The following AGPS variants were observed in gnomAD, a reference collection of about 807,000 sequenced individuals.
AGPS encodes the protein alkylglycerone phosphate synthase, also known as alkyldihydroxyacetonephosphate synthase, peroxisomal.
In AGPS, 26 loss-of-function variants were observed where a neutral mutation model predicts 90.7. The ratio of observed to expected loss-of-function variants is 0.29; its 90% CI spans 0.21 to 0.40. The LOEUF is 0.40. Ranked by LOEUF, AGPS falls within the 10% of genes least tolerant of loss-of-function variation. AGPS has a pLI of 1.00. For missense variants in AGPS, 540 were observed against 816.1 expected, an observed-to-expected ratio of 0.66 and a Z score of 4.12; for synonymous variants, 294 against 285.3, an observed-to-expected ratio of 1.03 and a Z score of -0.31.
chr2:177,430,770 C>T (rs190149076), intron 2 of AGPS, among the ~76,000 whole-genome samples: 19 of 152,140 alleles, frequency 1.2e-4, no homozygotes, highest in East Asian at 1.2e-3. Context: ...ATGACAGCTG[C>T]GGATCACAGC....
intron 1 of AGPS, among the ~76,000 whole-genome samples, chr2:177,401,956 G>T (rs1381331510): frequency 1.3e-5 from 2 of 152,214 alleles, no homozygotes; most frequent in African/African-American, 4.8e-5. Flanking sequence ...TTCATTTTGT[G>T]CATTAAACAA....
At chr2:177,461,359 AACCT>A (rs1399919463) in intron 8 of AGPS, among the ~76,000 whole-genome samples, 1 of 152,232 alleles carries the variant, frequency 6.6e-6, no homozygotes, top group Non-Finnish European at 1.5e-5. Context: ...ACATGCAGGA[AACCT>A]ATCCAGATGC....
Position 177,478,903 on chromosome 2 carries a change from C to A in AGPS, c.1106-3156C>A, listed in dbSNP as rs145965332. On this transcript the variant is annotated intron_variant, in intron 10 of 19. Transcript: ENST00000264167. ...TAGGCTATATCTCTAGTGAATCTAC[C>A]TGTGTCTTCCCAATTACCTTTTTAC... Among the ~76,000 whole-genome samples the A allele has an allele frequency of 2.6e-3, 388 of 151,778 alleles. 4 individuals carry two copies. The highest frequency in any genetic ancestry group is 9.0e-3 in the African/African-American group (372 of 41,372).
At chr2:177,404,410 G>C (rs1230198240) in intron 1 of AGPS, among the ~76,000 whole-genome samples, 1 of 152,102 alleles carries the variant, frequency 6.6e-6, no homozygotes, top group African/African-American at 2.4e-5. Context: ...GGCAAATCTT[G>C]TTACATGGAG....
At chr2:177,406,279 A>T (rs749948860) in intron 1 of AGPS, among the ~76,000 whole-genome samples, 7 of 152,218 alleles carry the variant, frequency 4.6e-5, no homozygotes, top group Non-Finnish European at 1.0e-4. Flanking sequence ...TGTTCAGAGA[A>T]AGTGTCAGTA....
chr2:177,429,257 T>C (rs934993419), intron 2 of AGPS, among the ~76,000 whole-genome samples: 3 of 152,174 alleles, frequency 2.0e-5, no homozygotes, highest in Non-Finnish European at 4.4e-5. Context: ...TTAGAGCATG[T>C]TCCTTTAGCT....
In AGPS at chr2:177,406,725, A is replaced by G. The variant is rs538620197; in HGVS notation, c.261-13544A>G. Among the ~76,000 whole-genome samples the G allele has an allele frequency of 7.2e-5, 11 of 152,282 alleles. No individual in the cohort carries two copies. The South Asian group carries it at 1.2e-3, about 17-fold the overall frequency. On this transcript the variant is annotated intron_variant, in intron 1 of 19. Coordinates refer to ENST00000264167, the MANE Select transcript of AGPS (RefSeq NM_003659.4). ...ACATGGAAAATACTGTTTTGATTCT[A>G]TTGTTCTCTATTGATTATTGAAGTA...
At chr2:177,448,066 T>C (rs1241224715) in intron 8 of AGPS, among the ~76,000 whole-genome samples, 2 of 152,186 alleles carry the variant, frequency 1.3e-5, no homozygotes, top group Non-Finnish European at 2.9e-5. Context: ...TAGTCTGAGG[T>C]TATCTGACTC....
At chr2:177,423,542 C>G (rs771598569) in intron 2 of AGPS, among the ~76,000 whole-genome samples, 2 of 151,904 alleles carry the variant, frequency 1.3e-5, no homozygotes, top group Non-Finnish European at 2.9e-5. Context: ...AAGGGAAATC[C>G]CAGGTGCCAG....
chr2:177,495,133 A>G (rs1469300920), intron 12 of AGPS, among the ~76,000 whole-genome samples: 1 of 152,198 alleles, frequency 6.6e-6, no homozygotes, highest in Non-Finnish European at 1.5e-5. Flanking sequence ...GTATATTGAA[A>G]TAATCCAAAG....
chr2:177,452,146 G>A (rs1018676012), intron 8 of AGPS, among the ~76,000 whole-genome samples: 15 of 152,298 alleles, frequency 9.8e-5, no homozygotes, highest in Admixed American at 8.5e-4. Flanking sequence ...TGCAAAGAAT[G>A]TGTTTTCCTG....
intron 1 of AGPS, among the ~76,000 whole-genome samples, chr2:177,413,043 G>T (rs1015493002): frequency 4.6e-5 from 7 of 152,202 alleles, no homozygotes; most frequent in African/African-American, 9.7e-5. Flanking sequence ...TGGATGGCAA[G>T]TGAAAGCACA....
chr2:177,442,155 C>T (rs1355012539), intron 6 of AGPS, among the ~76,000 whole-genome samples: 1 of 152,100 alleles, frequency 6.6e-6, no homozygotes, highest in African/African-American at 2.4e-5. Context: ...TTGAGTGTGG[C>T]ATTTCCAGGG....
At chr2:177,447,730 G>A (rs1227659283) in intron 8 of AGPS, among the ~76,000 whole-genome samples, 1 of 151,768 alleles carries the variant, frequency 6.6e-6, no homozygotes, top group Non-Finnish European at 1.5e-5. Context: ...TGCCGATATA[G>A]AACTTTCTTT....
In AGPS at chr2:177,437,040, T is replaced by C. The variant is rs1182780984; in HGVS notation, c.623T>C (p.Ile208Thr). ...GGAATGTTTGAGCGAATTCCTGATA[T>C]AGTTTTATGGCCAAGTAAGTTTTCC... ...REGMFERIPD[I>T]VLWPTCHDDV... The change falls in exon 5 of 20, where the codon ATA becomes ACA. Residue 208 changes from isoleucine (I) to threonine (T), a missense_variant. By Grantham distance (89) the Ile-to-Thr change is moderately conservative. This residue lies in a region of AGPS where 405 missense variants were observed against 692.1 expected (regional missense o/e 0.59). Transcript: ENST00000264167. The C allele has an allele frequency of 6.2e-7, 1 of 1,613,606 alleles. No individual in the cohort carries two copies. Among genetic ancestry groups the C allele is most frequent in the Non-Finnish European group, 8.5e-7 (1 of 1,179,714 alleles).
intron 19 of AGPS, among the ~76,000 whole-genome samples, chr2:177,527,565 A>G (rs2079099896): frequency 6.6e-6 from 1 of 152,070 alleles, no homozygotes; most frequent in Admixed American, 6.5e-5. Flanking sequence ...CTTTCCCATA[A>G]GTCAATTTTA....
chr2:177,496,425 A>G (rs1383703654), intron 12 of AGPS, among the ~76,000 whole-genome samples: 1 of 152,138 alleles, frequency 6.6e-6, no homozygotes, highest in Non-Finnish European at 1.5e-5. Context: ...ATCTTTATAG[A>G]TATTAGAAAT....
chr2:177,453,814 A>G (rs2105654769), intron 8 of AGPS, among the ~76,000 whole-genome samples: 1 of 143,552 alleles, frequency 7.0e-6, no homozygotes, highest in Middle Eastern at 3.7e-3. Context: ...CAGCCTCCCA[A>G]GTAGCTGGGA....
At chr2:177,535,466 A>G (rs2079175139) in intron 19 of AGPS, among the ~76,000 whole-genome samples, 1 of 152,102 alleles carries the variant, frequency 6.6e-6, no homozygotes, top group Admixed American at 6.6e-5. Context: ...CAGCAGTACA[A>G]CTAAGAATTG....
Sources: allele counts gnomAD v4.1 joint callset (sites outside exome capture counted in the v4.1 genomes callset), GRCh38; gene constraint gnomAD v4.1.1; regional missense constraint gnomAD v4.1.1; transcripts MANE v1.5; gene names NCBI Gene and HGNC (gene_info 2026-07-23, HGNC 2026-07-21).